Variants in RBFOX1 observed in about 807,000 individuals in gnomAD.
RBFOX1 encodes RNA binding protein fox-1 homolog 1.
In RBFOX1, 8 loss-of-function variants were observed where a neutral mutation model predicts 57.7. That is an observed-to-expected ratio of 0.14 (90% CI 0.08 to 0.25). RBFOX1 has a LOEUF of 0.25. RBFOX1 is among the 10% of genes least tolerant of loss of function. The probability of loss-of-function intolerance (pLI) is 1.00; values close to 1 mark genes in which losing one functional copy is unlikely to be tolerated. For synonymous variants in RBFOX1, 326 were observed against 222.4 expected, an observed-to-expected ratio of 1.47 and a Z score of -4.15; for missense variants, 611 against 548.5, an observed-to-expected ratio of 1.11 and a Z score of -1.14.
chr16:7,448,218 C>G (rs763919369), intron 4 of RBFOX1, among the ~76,000 whole-genome samples: 4 of 152,142 alleles, frequency 2.6e-5, no homozygotes, highest in African/African-American at 7.2e-5. Context: ...TCTCTTAGTT[C>G]TGGAAGTTGG....
chr16:6,954,810 C>T (rs928488282), intron 3 of RBFOX1, among the ~76,000 whole-genome samples: 3 of 152,098 alleles, frequency 2.0e-5, no homozygotes, highest in African/African-American at 7.2e-5. Context: ...TAGAAGGGTT[C>T]GAACCTCATT....
At chr16:6,392,917 C>T (rs1400874322) in intron 2 of RBFOX1, among the ~76,000 whole-genome samples, 21 of 152,192 alleles carry the variant, frequency 1.4e-4, no homozygotes, top group Non-Finnish European at 8.8e-5. Flanking sequence ...CCATATGACC[C>T]ACCCTCTTCT....
intron 3 of RBFOX1, among the ~76,000 whole-genome samples, chr16:6,814,942 G>A (rs772749579): frequency 2.8e-4 from 42 of 152,142 alleles, no homozygotes; most frequent in Non-Finnish European, 5.0e-4. Context: ...GAAAATACAG[G>A]AATAAAAGAA....
chr16:6,771,106 A>G (rs1388175833), intron 3 of RBFOX1, among the ~76,000 whole-genome samples: 4 of 152,118 alleles, frequency 2.6e-5, no homozygotes, highest in Non-Finnish European at 5.9e-5. Flanking sequence ...AGAAGAAAAA[A>G]TCAGAACCCA....
intron 4 of RBFOX1, among the ~76,000 whole-genome samples, chr16:5,938,958 C>A (rs1456693213): frequency 6.6e-6 from 1 of 152,148 alleles, no homozygotes; most frequent in Non-Finnish European, 1.5e-5. Flanking sequence ...ATGGATGAAG[C>A]TGGCAACCAT....
At chr16:6,494,682 G>A (rs1193278220) in intron 2 of RBFOX1, among the ~76,000 whole-genome samples, 1 of 152,162 alleles carries the variant, frequency 6.6e-6, no homozygotes, top group Non-Finnish European at 1.5e-5. Context: ...CACTTCTCTG[G>A]CATAAATGCC....
intron 2 of RBFOX1, among the ~76,000 whole-genome samples, chr16:5,528,662 C>G (rs758138821): frequency 1.3e-5 from 2 of 151,076 alleles, no homozygotes; most frequent in Non-Finnish European, 2.9e-5. Flanking sequence ...CTCCCCTCCC[C>G]TCCTGTCCTC....
intron 4 of RBFOX1, among the ~76,000 whole-genome samples, chr16:5,873,802 TAGGCTAGGGATATTTATAG>T (rs1218066022): frequency 6.6e-6 from 1 of 152,122 alleles, no homozygotes; most frequent in East Asian, 1.9e-4. Flanking sequence ...TGAGTCTAGA[TAGGCTAGGGATATTTATAG>T]AGGCTTCTCA....
At position 7,267,479 on chromosome 16, in the gene RBFOX1, C is replaced by A. The variant is rs866767459; in HGVS notation, c.27+215381C>A. Among the ~76,000 whole-genome samples the A allele has an allele frequency of 2.7e-4, 41 of 151,774 alleles. 1 individual carries two copies. The highest frequency in any genetic ancestry group is 1.5e-3 in the Admixed American group (23 of 15,220). On this transcript the variant is annotated intron_variant, in intron 4 of 15. Coordinates refer to ENST00000550418, the MANE Select transcript of RBFOX1 (RefSeq NM_018723.4). ...TGAACCTAGTAGGTGGAGGTTGCAG[C>A]GAGCCAAGGTTGCACTACTGCATTC... is the stretch of plus-strand genomic sequence containing the variant.
At chr16:7,174,462 G>A (rs959605319) in intron 4 of RBFOX1, among the ~76,000 whole-genome samples, 18 of 152,210 alleles carry the variant, frequency 1.2e-4, no homozygotes, top group African/African-American at 4.1e-4. Context: ...TGGGTTGTAT[G>A]GTAAGTTTAA....
At chr16:7,123,716 G>C (rs897712923) in intron 4 of RBFOX1, among the ~76,000 whole-genome samples, 1 of 152,126 alleles carries the variant, frequency 6.6e-6, no homozygotes, top group African/African-American at 2.4e-5. Flanking sequence ...GGGAAATATG[G>C]TGACTACTTG....
chr16:5,534,899 G>A (rs987655608), intron 2 of RBFOX1, among the ~76,000 whole-genome samples: 15 of 152,230 alleles, frequency 9.9e-5, no homozygotes, highest in East Asian at 3.9e-4. Context: ...GATATGGGTC[G>A]CCATATAAAA....
intron 4 of RBFOX1, among the ~76,000 whole-genome samples, chr16:7,088,622 T>C (rs2060342720): frequency 1.3e-5 from 2 of 152,106 alleles, no homozygotes; most frequent in South Asian, 2.1e-4. Flanking sequence ...TATTTAACTC[T>C]TGAAGCAAGA....
At chr16:6,657,741 A>C (rs1485872689) in intron 3 of RBFOX1, among the ~76,000 whole-genome samples, 2 of 152,162 alleles carry the variant, frequency 1.3e-5, no homozygotes, top group African/African-American at 4.8e-5. Context: ...CCTGTCTCTG[A>C]AGCGGCAGCC....
At chr16:5,830,534 C>T (rs1426238563) in intron 3 of RBFOX1, among the ~76,000 whole-genome samples, 2 of 152,054 alleles carry the variant, frequency 1.3e-5, no homozygotes, top group Non-Finnish European at 2.9e-5. Flanking sequence ...GAAAGGGGTT[C>T]ACGTCCCAGC....
intron 2 of RBFOX1, among the ~76,000 whole-genome samples, chr16:6,532,791 G>A (rs1027257724): frequency 1.4e-4 from 22 of 152,088 alleles, no homozygotes; most frequent in African/African-American, 9.7e-5. Context: ...CTGTGTTACC[G>A]TCTCTCTGTG....
At chr16:6,463,225 CT>C (rs1200119348) in intron 2 of RBFOX1, among the ~76,000 whole-genome samples, 9 of 152,006 alleles carry the variant, frequency 5.9e-5, no homozygotes, top group African/African-American at 1.9e-4. Context: ...ATTATTTTTC[CT>C]GTAAAGGGTA....
chr16:6,864,268 G>T lies in RBFOX1; in HGVS notation c.-15-187789G>T, dbSNP rs187578214. ...GCATAACTCTTCCACATTTAGACAC[G>T]TTCAAAAATAAGAAATTAGAGAACA... On this transcript the variant is annotated intron_variant, in intron 3 of 15. Coordinates refer to ENST00000550418, the MANE Select transcript of RBFOX1 (RefSeq NM_018723.4). Among the ~76,000 whole-genome samples, 219 of 151,994 alleles carry T rather than the reference G, an allele frequency of 1.4e-3. 1 individual carries two copies. Among genetic ancestry groups the T allele is most frequent in the Non-Finnish European group, 2.3e-3 (154 of 67,988 alleles).
chr16:6,574,077 T>C (rs894160854), intron 2 of RBFOX1, among the ~76,000 whole-genome samples: 20 of 152,152 alleles, frequency 1.3e-4, no homozygotes. Flanking sequence ...CAAGAATGTT[T>C]AAACTCTTCA....
Sources: allele counts gnomAD v4.1 joint callset (sites outside exome capture counted in the v4.1 genomes callset), GRCh38; gene constraint gnomAD v4.1.1; transcripts MANE v1.5; gene names NCBI Gene and HGNC (gene_info 2026-07-23, HGNC 2026-07-21).